The following CTSK variants were observed in gnomAD, a reference collection of about 807,000 sequenced individuals.
CTSK encodes the protein cathepsin O.
In CTSK, 26 loss-of-function variants were observed where a neutral mutation model predicts 40.5. That is an observed-to-expected ratio of 0.64 (90% CI 0.47 to 0.89). The LOEUF (loss-of-function observed/expected upper bound fraction) is 0.89. Among genes scored for constraint, CTSK ranks in the 40% least tolerant of loss-of-function variants. The probability of loss-of-function intolerance (pLI) is 0.00; values close to 1 mark genes in which losing one functional copy is unlikely to be tolerated. For missense variants in CTSK, 292 were observed against 400.1 expected, an observed-to-expected ratio of 0.73 and a Z score of 2.30; for synonymous variants, 132 against 143.2, an observed-to-expected ratio of 0.92 and a Z score of 0.56.
At chr1:150,802,234 C>T (rs993678314) in intron 5 of CTSK, among the ~76,000 whole-genome samples, 4 of 145,950 alleles carry the variant, frequency 2.7e-5, no homozygotes, top group African/African-American at 7.7e-5. Context: ...GCCAAGATCG[C>T]GCCACTGCAC....
chr1:150,797,187 T>G (rs948672501), intron 7 of CTSK, among the ~76,000 whole-genome samples: 2 of 152,078 alleles, frequency 1.3e-5, no homozygotes, highest in Non-Finnish European at 2.9e-5. Context: ...GGGATGCCAG[T>G]GGAAGGGTGT....
At position 150,805,872 on chromosome 1, in the gene CTSK, C is replaced by G; in HGVS notation, c.388G>C (p.Val130Leu). Residue 130 changes from valine to leucine, a missense_variant, in exon 4 of 8, where the codon GTC becomes CTC. Physicochemically the swap from Val to Leu is conservative, Grantham distance 32. Transcript: ENST00000271651. ...DYRKKGYVTP[V>L]KNQGQCGSCW... ...AGAAAGGAGAGTACCTGATTTTTGA[C>G]AGGAGTAACATATCCTTTCTTTCGA... 6.2e-7 allele frequency: 1 copy of G among 1,614,062 alleles called. No homozygotes were observed. The highest frequency in any genetic ancestry group is 1.1e-5 in the South Asian group (1 of 91,074).
chr1:150,799,365 T>C, intron 6 of CTSK, 92 bp from the exon 7 acceptor site: 1 of 1,252,764 alleles, frequency 8.0e-7, no homozygotes, highest in East Asian at 2.3e-5. Context: ...AAGAATTCCA[T>C]CCGTGTCAGG....
intron 2 of CTSK, 87 bp from the exon 3 acceptor site, chr1:150,806,311 T>C: frequency 6.8e-7 from 1 of 1,476,818 alleles, no homozygotes; most frequent in Non-Finnish European, 9.3e-7. Context: ...TAAAGGAAAC[T>C]CACAATCATA....
chr1:150,802,321 T>A (rs1384731721), intron 5 of CTSK, among the ~76,000 whole-genome samples: 2 of 148,560 alleles, frequency 1.3e-5, no homozygotes, highest in African/African-American at 5.0e-5. Context: ...GTGGCTTACA[T>A]CTATAATCCC....
chr1:150,806,341 G>C, intron 2 of CTSK, 117 bp from the exon 3 acceptor site: 2 of 1,192,456 alleles, frequency 1.7e-6, no homozygotes, highest in Admixed American at 4.2e-5. Flanking sequence ...AGTTTAGTTG[G>C]GGAACTAACC....
In CTSK at chr1:150,796,488, C is replaced by G; in HGVS notation, c.*311G>C. The G allele has an allele frequency of 2.0e-6, 1 of 491,714 alleles. No individual in the cohort carries two copies. The highest frequency in any genetic ancestry group is 2.2e-5 in the South Asian group (1 of 46,294). 30.5% of individuals were successfully genotyped at this position (491,714 alleles called of 1,614,324 possible). On this transcript the variant is annotated 3_prime_UTR_variant, in exon 8 of 8. Coordinates refer to ENST00000271651, the MANE Select transcript of CTSK (RefSeq NM_000396.4). The stretch of plus-strand genomic sequence containing the variant: ...GAGAATCTAACCTATGTGAAAATCT[C>G]CAGCCTGTACCTGTACAGCATCAGC...
intron 1 of CTSK, among the ~76,000 whole-genome samples, 199 bp from the exon 2 acceptor site, chr1:150,807,005 TTC>T (rs71659432): frequency 4.2e-4 from 58 of 138,936 alleles, no homozygotes; most frequent in Middle Eastern, 3.7e-3. Flanking sequence ...ATTTCTCTCT[TTC>T]TCTCTCTCTC....
In CTSK at chr1:150,807,005, T is replaced by TTCTCTCTCTCTCTCTCTC. The variant is rs71659432; in HGVS notation, c.-1-217_-1-200dup. Among the ~76,000 whole-genome samples the TTCTCTCTCTCTCTCTCTC allele has an allele frequency of 0.2, 27,544 of 138,678 alleles. 3,567 individuals carry two copies. Among genetic ancestry groups the TTCTCTCTCTCTCTCTCTC allele is most frequent in the South Asian group, 0.39 (1,598 of 4,108 alleles). The allele number at this position is 138,678 out of a possible 152,430, so 91.0% of individuals were successfully genotyped here. A position where few individuals can be genotyped will look rare whatever the true frequency, so the allele number is the denominator to read the frequency against. On this transcript the variant is annotated intron_variant, in intron 1 of 7. Transcript: ENST00000271651. ...TAGGGGGATTTAGCCATTTCTCTCTTTCTCTCTCTCTCTCTCTCTCGGGAG... is the reference window on the plus strand; with the variant it reads ...TAGGGGGATTTAGCCATTTCTCTCTTTCTCTCTCTCTCTCTCTCTCTCTCTCTCTCTCTCTCTCGGGAG...
intron 1 of CTSK, among the ~76,000 whole-genome samples, 199 bp from the exon 2 acceptor site, chr1:150,807,005 T>TTCTCTCTCTCTCTCTC (rs71659432): frequency 0.01 from 1,431 of 138,976 alleles, 11 homozygotes; most frequent in African/African-American, 0.012. Flanking sequence ...ATTTCTCTCT[T>TTCTCTCTCTCTCTCTC]TCTCTCTCTC....
intron 5 of CTSK, among the ~76,000 whole-genome samples, chr1:150,802,589 A>T (rs587682360): frequency 9.9e-5 from 15 of 151,728 alleles, no homozygotes; most frequent in African/African-American, 1.5e-4. Context: ...ACTTTTAAAA[A>T]TTTTTTCTGT....
intron 6 of CTSK, 118 bp downstream of exon 6, chr1:150,799,426 C>T: frequency 7.5e-7 from 1 of 1,337,894 alleles, no homozygotes; most frequent in Non-Finnish European, 1.1e-6. Context: ...GTTAATTTCT[C>T]TCTGGCCACC....
In CTSK at chr1:150,796,703, T is replaced by C; in HGVS notation, c.*96A>G. 1.1e-6 allele frequency: 1 copy of C among 885,758 alleles called. No individual in the cohort carries two copies. Among genetic ancestry groups the C allele is most frequent in the Non-Finnish European group, 1.9e-6 (1 of 515,262 alleles). 54.9% of individuals were successfully genotyped at this position (885,758 alleles called of 1,614,324 possible). A position where few individuals can be genotyped will look rare whatever the true frequency, so the allele number is the denominator to read the frequency against. ...ACAATCTCAGTATCACCACATCTGC[T>C]TCAAAAATAGCACACCAACTCCCTT... On this transcript the variant is annotated 3_prime_UTR_variant, in exon 8 of 8. Coordinates refer to ENST00000271651, the MANE Select transcript of CTSK (RefSeq NM_000396.4).
In CTSK at chr1:150,796,864, G is replaced by A. The variant is rs587638055; in HGVS notation, c.925C>T (p.Leu309Phe). The change falls in exon 8 of 8, where the codon CTC becomes TTC. Residue 309 changes from leucine to phenylalanine, a missense_variant. Coordinates refer to ENST00000271651, the MANE Select transcript of CTSK (RefSeq NM_000396.4). ...GENWGNKGYI[L>F]MARNKNNACG... ...GCGTTGTTCTTATTTCGAGCCATGA[G>A]GATATATCCTTTGTTTCCCCAGTTT... 6.2e-7 allele frequency: 1 copy of A among 1,614,092 alleles called. No homozygotes were observed. The highest frequency in any genetic ancestry group is 1.3e-5 in the African/African-American group (1 of 75,042).
intron 4 of CTSK, among the ~76,000 whole-genome samples, chr1:150,805,592 T>C (rs961936751): frequency 3.0e-5 from 4 of 134,814 alleles, no homozygotes; most frequent in African/African-American, 5.6e-5. Context: ...TGAGCCAAGA[T>C]TGCACCACTG....
rs587775407 is a variant in CTSK, at chr1:150,805,926, C to G, written c.334G>C (p.Glu112Gln). The change falls in exon 4 of 8, where the codon GAA becomes CAA. Residue 112 changes from glutamate (E) to glutamine (Q), a missense_variant. Transcript: ENST00000271651. ...SNDTLYIPEW[E>Q]GRAPDSVDYR... ...TCGACAGAGTCTGGGGCTCTACCTT[C>G]CCATTCTGGGATATAAAGGGTGTCA... The G allele has an allele frequency of 2.5e-6, 4 of 1,614,152 alleles. No homozygotes were observed. The Admixed American group carries it at 5.0e-5, about 20-fold the overall frequency.
At chr1:150,805,694 C>G (rs1053907911) in intron 4 of CTSK, among the ~76,000 whole-genome samples, 167 bp downstream of exon 4, 3 of 147,638 alleles carry the variant, frequency 2.0e-5, no homozygotes, top group Non-Finnish European at 3.0e-5. Flanking sequence ...AGAAACAACC[C>G]AAATGTACAG....
At chr1:150,807,900 G>T (rs1320572297) in intron 1 of CTSK, among the ~76,000 whole-genome samples, 4 of 152,126 alleles carry the variant, frequency 2.6e-5, no homozygotes, top group Admixed American at 6.5e-5. Context: ...CCTCACTAAG[G>T]AGTTAACCGT....
chr1:150,806,995 A>ATTTC (rs1654108261), intron 1 of CTSK, among the ~76,000 whole-genome samples, 189 bp from the exon 2 acceptor site: 1 of 86,446 alleles, frequency 1.2e-5, no homozygotes. Flanking sequence ...GGATTTAGCC[A>ATTTC]TTTCTCTCTT....
Sources: allele counts gnomAD v4.1 joint callset (sites outside exome capture counted in the v4.1 genomes callset), GRCh38; gene constraint gnomAD v4.1.1; transcripts MANE v1.5; gene names NCBI Gene and HGNC (gene_info 2026-07-23, HGNC 2026-07-21).